The following ABLIM3 variants were observed in gnomAD, a reference collection of about 807,000 sequenced individuals.
The protein encoded by ABLIM3 is actin binding LIM protein family member 3.
ABLIM3 carries 61 observed loss-of-function variants against 109.5 expected under a neutral mutation model. The observed-to-expected ratio is 0.56, with a 90% CI of 0.45 to 0.69. The LOEUF (loss-of-function observed/expected upper bound fraction) is 0.69, where lower values mean the gene tolerates loss of function less well. Among genes scored for constraint, ABLIM3 ranks in the 30% least tolerant of loss-of-function variants. The pLI, the probability that ABLIM3 is intolerant of heterozygous loss-of-function variation, is 0.00. For synonymous variants in ABLIM3, 300 were observed against 324.8 expected (o/e 0.92, Z 0.82); for missense variants, 796 against 889.5 (o/e 0.89, Z 1.34).
At chr5:149,178,728 C>A (rs754950730) in intron 2 of ABLIM3, among the ~76,000 whole-genome samples, 8 of 152,176 alleles carry the variant, frequency 5.3e-5, no homozygotes, top group Non-Finnish European at 1.0e-4. Context: ...ACTGATAAAT[C>A]TGATAACTTA....
intron 2 of ABLIM3, among the ~76,000 whole-genome samples, chr5:149,151,246 G>C (rs1753406494): frequency 6.6e-6 from 1 of 152,110 alleles, no homozygotes; most frequent in Non-Finnish European, 1.5e-5. Flanking sequence ...GTGTTTCTCT[G>C]TGTCCAGATT....
At position 149,237,602 on chromosome 5, in the gene ABLIM3, A is replaced by G; in HGVS notation, c.1043A>G (p.Glu348Gly). 1 of 1,613,928 alleles carries G rather than the reference A, an allele frequency of 6.2e-7. No homozygotes were observed. Among genetic ancestry groups the G allele is most frequent in the Non-Finnish European group, 8.5e-7 (1 of 1,179,982 alleles). The change falls in exon 11 of 24, where the codon GAG (glutamate) becomes GGG (glycine). Residue 348 changes from glutamate to glycine, a missense_variant and splice_region_variant. Glu to Gly is a moderately conservative substitution (Grantham distance 98). Transcript: ENST00000309868. The stretch of plus-strand genomic sequence containing the variant: ...ATGCTGGAGAGATGTGGCTATGGAG[A>G]GGTATCGCATCTTGCCCTTCTCTCT... The part of the protein sequence containing the change: ...DEMLERCGYG[E>G]SLGTLSPYSQ...
chr5:149,250,346 C>A, intron 19 of ABLIM3, 101 bp from the exon 20 acceptor site: 2 of 1,218,956 alleles, frequency 1.6e-6, no homozygotes, highest in African/African-American at 1.5e-5. Context: ...CCCCTTCCTG[C>A]TAGGTTGGGA....
chr5:149,179,345 G>A (rs562634953), intron 2 of ABLIM3, among the ~76,000 whole-genome samples: 74 of 152,136 alleles, frequency 4.9e-4, no homozygotes, highest in Admixed American at 1.8e-3. Flanking sequence ...AAATTATACC[G>A]ACAGCCATTG....
At chr5:149,255,203 C>G (rs907693981) in intron 23 of ABLIM3, among the ~76,000 whole-genome samples, 1 of 152,230 alleles carries the variant, frequency 6.6e-6, no homozygotes, top group Non-Finnish European at 1.5e-5. Flanking sequence ...GCTGCCTCCA[C>G]TCTCTTCCAC....
At chr5:149,255,283 C>G (rs1754331732) in intron 23 of ABLIM3, among the ~76,000 whole-genome samples, 1 of 152,198 alleles carries the variant, frequency 6.6e-6, no homozygotes, top group Admixed American at 6.5e-5. Flanking sequence ...GCAAATCTAG[C>G]TCTCCTCCTA....
chr5:149,218,551 G>A (rs998522558), intron 8 of ABLIM3: 12 of 152,508 alleles, frequency 7.9e-5, no homozygotes, highest in African/African-American at 2.7e-4. Flanking sequence ...AGGGCAAGTG[G>A]AGCCTGTGTG....
chr5:149,239,592 A>G (rs1244326770), intron 12 of ABLIM3, among the ~76,000 whole-genome samples, 167 bp from the exon 13 acceptor site: 4 of 151,840 alleles, frequency 2.6e-5, no homozygotes, highest in Non-Finnish European at 4.4e-5. Flanking sequence ...ATTCTCTGCC[A>G]TCTTCCTCGG....
At chr5:149,209,477 G>T (rs1282852103) in intron 6 of ABLIM3, among the ~76,000 whole-genome samples, 1 of 152,204 alleles carries the variant, frequency 6.6e-6, no homozygotes, top group Non-Finnish European at 1.5e-5. Flanking sequence ...TTGTGTAAGG[G>T]CTCAGAGATC....
intron 7 of ABLIM3, among the ~76,000 whole-genome samples, chr5:149,214,005 C>A (rs1293171596): frequency 6.6e-6 from 1 of 152,100 alleles, no homozygotes; most frequent in Non-Finnish European, 1.5e-5. Flanking sequence ...CAGCTCTCAG[C>A]CACTTGGGGG....
At chr5:149,154,284 A>T (rs1248971417) in intron 2 of ABLIM3, among the ~76,000 whole-genome samples, 1 of 152,200 alleles carries the variant, frequency 6.6e-6, no homozygotes, top group African/African-American at 2.4e-5. Context: ...AAAATTAGAT[A>T]TTTTTCACAG....
chr5:149,197,539 C>T (rs1758093687), intron 3 of ABLIM3, among the ~76,000 whole-genome samples: 1 of 152,076 alleles, frequency 6.6e-6, no homozygotes. Context: ...TTTTATTCTT[C>T]CTGCCTGAGA....
chr5:149,240,554 C>G, intron 13 of ABLIM3, 122 bp from the exon 14 acceptor site: 1 of 754,888 alleles, frequency 1.3e-6, no homozygotes. Flanking sequence ...CACGCTGAGA[C>G]GCCCCAGCCC....
rs370041329 is a variant in ABLIM3, at chr5:149,183,469, C to G, written c.31C>G (p.Pro11Ala). ...TTTTACAGTTCCTTATCAGCAGAAT[C>G]CTTACAATCCACGGGGCAGCTCCAA... MNTSIPYQQN[P>A]YNPRGSSNVI... The change falls in exon 3 of 24, where the codon CCT becomes GCT. Residue 11 changes from proline (P) to alanine (A), a missense_variant. By Grantham distance (27) the Pro-to-Ala change is conservative (BLOSUM62 -1). Coordinates refer to ENST00000309868, the MANE Select transcript of ABLIM3 (RefSeq NM_014945.5). The G allele has an allele frequency of 3.2e-6, 5 of 1,570,406 alleles. No individual in the cohort carries two copies. The highest frequency in any genetic ancestry group is 1.4e-5 in the African/African-American group (1 of 72,168).
chr5:149,233,289 C>T lies in ABLIM3; in HGVS notation c.877C>T (p.Arg293Ter), dbSNP rs202048675. 8.7e-6 allele frequency: 14 copies of T among 1,614,122 alleles called. No individual in the cohort carries two copies. The highest frequency in any genetic ancestry group is 5.0e-5 in the Admixed American group (3 of 60,012). ...TGGATCCAGCATTGGGTCACCCAAC[C>T]GAGTCATCTGCGTATGTATCACTTT... ...PPGSSIGSPNRVICAKVDNEI... is the reference protein window; with the variant it reads ...PPGSSIGSPN Residue 293 changes from arginine (R) to a stop codon, truncating the protein, a stop_gained, in exon 10 of 24, where the codon CGA becomes TGA. Coordinates refer to ENST00000309868, the MANE Select transcript of ABLIM3 (RefSeq NM_014945.5). LOFTEE classifies it high-confidence loss of function.
intron 2 of ABLIM3, among the ~76,000 whole-genome samples, chr5:149,155,509 C>T (rs1356182605): frequency 6.6e-6 from 1 of 152,146 alleles, no homozygotes; most frequent in Non-Finnish European, 1.5e-5. Context: ...GAAGACAGGC[C>T]AAATTCCTCT....
chr5:149,260,132 T>C lies in ABLIM3; in HGVS notation c.*1728T>C, dbSNP rs1754778071. 1.3e-5 allele frequency: 2 copies of C among 152,956 alleles called. No individual in the cohort carries two copies. Among genetic ancestry groups the C allele is most frequent in the South Asian group, 4.1e-4 (2 of 4,842 alleles). 9.5% of individuals were successfully genotyped at this position (152,956 alleles called of 1,614,324 possible). On this transcript the variant is annotated 3_prime_UTR_variant, in exon 24 of 24. Coordinates refer to ENST00000309868, the MANE Select transcript of ABLIM3 (RefSeq NM_014945.5). Reference sequence around the variant, plus strand: ...ACCCAGGAAAGCTTTCTGGAAGAGATTGCATCTGAGGAAATTCAGGAAGGA... The same window carrying C: ...ACCCAGGAAAGCTTTCTGGAAGAGACTGCATCTGAGGAAATTCAGGAAGGA...
Position 149,245,145 on chromosome 5 carries a change from G to T in ABLIM3, c.1486+130G>T. ...AGTGCTTAGAGGGTTTATAACTAAG[G>T]GTGTTTATTCATTCAACAAATATGT... is the stretch of plus-strand genomic sequence containing the variant. On this transcript the variant is annotated intron_variant, in intron 16 of 23. Transcript: ENST00000309868. 1 of 1,274,324 alleles carries T rather than the reference G, an allele frequency of 7.8e-7. No individual in the cohort carries two copies. The highest frequency in any genetic ancestry group is 2.7e-4 in the Middle Eastern group (1 of 3,718). The allele number at this position is 1,274,324 out of a possible 1,614,324, so 78.9% of individuals were successfully genotyped here. A position where few individuals can be genotyped will look rare whatever the true frequency, so the allele number is the denominator to read the frequency against.
At position 149,146,801 on chromosome 5, in the gene ABLIM3, C is replaced by T. The variant is rs10041038; in HGVS notation, c.13+4693C>T. On this transcript the variant is annotated intron_variant, in intron 2 of 23. Coordinates refer to ENST00000309868, the MANE Select transcript of ABLIM3 (RefSeq NM_014945.5). ...TAGGATTGTTTTGATAATTTGGGCG[C>T]TTTTATGAGTTCACATGAATTTTAG... Among the ~76,000 whole-genome samples, 617 of 152,284 alleles carry T rather than the reference C, an allele frequency of 4.1e-3. 3 individuals are homozygous for T. The highest frequency in any genetic ancestry group is 0.014 in the African/African-American group (579 of 41,552).
Sources: gnomAD v4.1 joint callset for allele counts (sites outside exome capture counted in the v4.1 genomes callset) on GRCh38, gnomAD v4.1.1 for gene constraint, MANE v1.5 for transcripts, NCBI Gene and HGNC (gene_info 2026-07-23, HGNC 2026-07-21) for gene names.